Variants in KCNK5 observed in about 807,000 individuals in gnomAD.
The protein encoded by KCNK5 is potassium two pore domain channel subfamily K member 5.
Under a neutral mutation model 32.9 loss-of-function variants are expected in KCNK5, and 18 were observed. The ratio of observed to expected loss-of-function variants is 0.55; its 90% CI spans 0.38 to 0.81. The LOEUF is 0.81. Among genes scored for constraint, KCNK5 ranks in the 30% least tolerant of loss-of-function variants. The pLI is 0.00. For missense variants in KCNK5, 507 were observed against 651.0 expected, an observed-to-expected ratio of 0.78 and a Z score of 2.41; for synonymous variants, 276 against 275.3, an observed-to-expected ratio of 1.00 and a Z score of -0.03.
intron 1 of KCNK5, among the ~76,000 whole-genome samples, chr6:39,228,641 C>T (rs1407580067): frequency 6.6e-6 from 1 of 152,170 alleles, no homozygotes; most frequent in East Asian, 1.9e-4. Flanking sequence ...ACCGTCACAC[C>T]CACACTGAAA....
At chr6:39,200,620 AC>A (rs1365745069) in intron 1 of KCNK5, among the ~76,000 whole-genome samples, 1 of 151,762 alleles carries the variant, frequency 6.6e-6, no homozygotes, top group Non-Finnish European at 1.5e-5. Context: ...GCCTGTGCAT[AC>A]TCCCACCCAC....
intron 1 of KCNK5, among the ~76,000 whole-genome samples, chr6:39,203,534 C>G (rs1483587775): frequency 6.6e-6 from 1 of 152,200 alleles, no homozygotes; most frequent in Non-Finnish European, 1.5e-5. Context: ...TTCACCACTT[C>G]CCCCCCATCA....
chr6:39,209,236 G>A (rs1338049821), intron 1 of KCNK5, among the ~76,000 whole-genome samples: 3 of 152,120 alleles, frequency 2.0e-5, no homozygotes, highest in Admixed American at 6.6e-5. Flanking sequence ...ATTCAAAGAC[G>A]ATCCCCAAAT....
intron 1 of KCNK5, among the ~76,000 whole-genome samples, chr6:39,220,614 G>C (rs2113797546): frequency 6.6e-6 from 1 of 152,332 alleles, no homozygotes; most frequent in South Asian, 2.1e-4. Context: ...ACCATCAACT[G>C]TTTTAGGTGG....
At chr6:39,199,015 G>C (rs865908463) in intron 1 of KCNK5, among the ~76,000 whole-genome samples, 1 of 152,194 alleles carries the variant, frequency 6.6e-6, no homozygotes, top group East Asian at 1.9e-4. Flanking sequence ...GAGGAATGTT[G>C]CATGTACCAG....
chr6:39,228,221 C>A (rs1342833862), intron 1 of KCNK5, among the ~76,000 whole-genome samples: 1 of 152,190 alleles, frequency 6.6e-6, no homozygotes, highest in African/African-American at 2.4e-5. Flanking sequence ...CATAAAGGGA[C>A]TACGCGGGTA....
At chr6:39,216,264 G>A (rs1209070231) in intron 1 of KCNK5, among the ~76,000 whole-genome samples, 3 of 152,120 alleles carry the variant, frequency 2.0e-5, no homozygotes, top group Non-Finnish European at 4.4e-5. Flanking sequence ...CAGCCTGGGC[G>A]ACAGAGTGAG....
chr6:39,228,897 T>C, intron 1 of KCNK5, 29 bp downstream of exon 1: 1 of 1,608,828 alleles, frequency 6.2e-7, no homozygotes, highest in Non-Finnish European at 8.5e-7. Flanking sequence ...CAGCTTCAGA[T>C]GTATATGGGG....
At chr6:39,226,009 T>C (rs1424865710) in intron 1 of KCNK5, among the ~76,000 whole-genome samples, 1 of 152,256 alleles carries the variant, frequency 6.6e-6, no homozygotes, top group East Asian at 1.9e-4. Context: ...CTAATGTTTC[T>C]ACTCTATTGG....
rs1044792463 is a variant in KCNK5 at position 39,196,994 on chromosome 6, G to C, written c.187-1007C>G. On this transcript the variant is annotated intron_variant, in intron 1 of 4. Transcript: ENST00000359534. ...TATCACCACTGGCTCCAACCTATCTGTGGGGCTTTATCAGCTGGCAGGGCC... is the reference window on the plus strand; with the variant it reads ...TATCACCACTGGCTCCAACCTATCTCTGGGGCTTTATCAGCTGGCAGGGCC... Among the ~76,000 whole-genome samples, 4 of 152,196 alleles carry C rather than the reference G, an allele frequency of 2.6e-5. No homozygotes were observed. In the East Asian group the frequency reaches 7.7e-4, roughly 29 times the overall value.
Position 39,190,888 on chromosome 6 carries a change from C to T in KCNK5, c.*2G>A. The T allele has an allele frequency of 6.8e-7, 1 of 1,463,956 alleles. No homozygotes were observed. Among genetic ancestry groups the T allele is most frequent in the Non-Finnish European group, 9.0e-7 (1 of 1,106,490 alleles). 90.7% of individuals were successfully genotyped at this position (1,463,956 alleles called of 1,614,324 possible). ...AAGGTGGGGTGGGGAGCCGGCCCTG[C>T]CTCATGTGCCCTTGGGGCTGTTAGC... On this transcript the variant is annotated 3_prime_UTR_variant, in exon 5 of 5. Transcript: ENST00000359534.
At chr6:39,205,589 C>T (rs559140013) in intron 1 of KCNK5, among the ~76,000 whole-genome samples, 3 of 152,276 alleles carry the variant, frequency 2.0e-5, no homozygotes, top group Non-Finnish European at 2.9e-5. Context: ...TGACTTTGTC[C>T]CCTTCTCTGC....
intron 1 of KCNK5, among the ~76,000 whole-genome samples, chr6:39,209,235 C>T (rs566170951): frequency 2.0e-5 from 3 of 152,270 alleles, no homozygotes; most frequent in South Asian, 2.1e-4. Context: ...AATTCAAAGA[C>T]GATCCCCAAA....
At chr6:39,200,354 C>T (rs1771116541) in intron 1 of KCNK5, among the ~76,000 whole-genome samples, 1 of 152,186 alleles carries the variant, frequency 6.6e-6, no homozygotes, top group Admixed American at 6.5e-5. Context: ...CACCATAAAG[C>T]AGCTGTGATT....
intron 1 of KCNK5, among the ~76,000 whole-genome samples, chr6:39,209,894 C>A (rs1452206669): frequency 6.6e-6 from 1 of 152,152 alleles, no homozygotes; most frequent in Admixed American, 6.5e-5. Context: ...GGAACGATGC[C>A]ACCTCCTCAT....
chr6:39,210,193 C>T (rs1047252600), intron 1 of KCNK5, among the ~76,000 whole-genome samples: 1 of 152,192 alleles, frequency 6.6e-6, no homozygotes, highest in African/African-American at 2.4e-5. Flanking sequence ...CAGACTTGCC[C>T]AGGGAGGTCC....
At chr6:39,221,032 C>CCCACCTTCACATAGAAGG (rs1771538212) in intron 1 of KCNK5, among the ~76,000 whole-genome samples, 1 of 151,736 alleles carries the variant, frequency 6.6e-6, no homozygotes, top group Admixed American at 6.6e-5. Context: ...CCTGCTTTGC[C>CCCACCTTCACATAGAAGG]CCACCTTCAA....
intron 1 of KCNK5, among the ~76,000 whole-genome samples, chr6:39,227,326 G>C (rs1470511702): frequency 6.6e-6 from 1 of 152,014 alleles, no homozygotes; most frequent in Non-Finnish European, 1.5e-5. Flanking sequence ...ACAAAAACTT[G>C]TTCTCTAGAG....
At chr6:39,217,148 GA>G (rs1160297977) in intron 1 of KCNK5, among the ~76,000 whole-genome samples, 7 of 105,936 alleles carry the variant, frequency 6.6e-5, no homozygotes, top group Admixed American at 4.8e-4. Flanking sequence ...AAAAAAGAAA[GA>G]AAAGAAAAAG....
Sources: gnomAD v4.1 joint callset for allele counts (sites outside exome capture counted in the v4.1 genomes callset) on GRCh38, gnomAD v4.1.1 for gene constraint, MANE v1.5 for transcripts, NCBI Gene and HGNC (gene_info 2026-07-23, HGNC 2026-07-21) for gene names.